SNX9: variants seen among roughly 807,000 people sequenced by gnomAD.
The protein encoded by SNX9 is sorting nexin-9.
Under a neutral mutation model 89.4 loss-of-function variants are expected in SNX9, and 44 were observed. That is an observed-to-expected ratio of 0.49 (90% CI 0.39 to 0.63). The LOEUF is 0.63. Ranked by LOEUF, SNX9 falls within the 30% of genes least tolerant of loss-of-function variation. The pLI is 0.00. For missense variants in SNX9, 578 were observed against 736.1 expected (o/e 0.79, Z 2.49); for synonymous variants, 236 against 247.8 (o/e 0.95, Z 0.45).
At chr6:157,896,572 TTGTTGC>T in intron 4 of SNX9, among the ~76,000 whole-genome samples, 1 of 152,344 alleles carries the variant, frequency 6.6e-6, no homozygotes, top group Non-Finnish European at 1.5e-5. Context: ...AATAGTTTCT[TTGTTGC>T]TGTTTTCAAA....
chr6:157,864,654 T>C (rs1782216348), intron 1 of SNX9, among the ~76,000 whole-genome samples: 1 of 152,176 alleles, frequency 6.6e-6, no homozygotes, highest in African/African-American at 2.4e-5. Flanking sequence ...GAGGGCTCGC[T>C]TCCTTCCAGC....
chr6:157,850,362 TAAGAG>T (rs1161229252), intron 1 of SNX9, among the ~76,000 whole-genome samples: 5 of 152,168 alleles, frequency 3.3e-5, no homozygotes, highest in Admixed American at 2.0e-4. Context: ...TTCTTGATGT[TAAGAG>T]AAGGTATTAT....
chr6:157,896,116 C>A (rs1055289384), intron 4 of SNX9, among the ~76,000 whole-genome samples: 3 of 152,118 alleles, frequency 2.0e-5, no homozygotes, highest in African/African-American at 7.2e-5. Context: ...AAGGAGGCTG[C>A]CCAGATTCAT....
chr6:157,851,255 CAAA>C (rs770815228), intron 1 of SNX9, among the ~76,000 whole-genome samples: 1 of 89,202 alleles, frequency 1.1e-5, no homozygotes, highest in African/African-American at 4.2e-5. Context: ...AAGATGGTCT[CAAA>C]AAAAAAAAAA....
chr6:157,882,340 CT>C (rs1463977324), intron 4 of SNX9, among the ~76,000 whole-genome samples: 1 of 152,206 alleles, frequency 6.6e-6, no homozygotes, highest in Admixed American at 6.5e-5. Context: ...GACAATGCCC[CT>C]GGTCACCTAA....
At chr6:157,829,266 C>T (rs1034474319) in intron 1 of SNX9, 1 of 152,120 alleles carries the variant, frequency 6.6e-6, no homozygotes, top group Admixed American at 6.5e-5. Context: ...TGTCTTTAAC[C>T]TACAAGTTGT....
At chr6:157,884,898 GA>G (rs1045892208) in intron 4 of SNX9, among the ~76,000 whole-genome samples, 1 of 152,072 alleles carries the variant, frequency 6.6e-6, no homozygotes, top group African/African-American at 2.4e-5. Context: ...AGTGATGAAG[GA>G]CCAGCCAGCA....
intron 1 of SNX9, among the ~76,000 whole-genome samples, chr6:157,841,541 A>G (rs2115113991): frequency 6.6e-6 from 1 of 152,304 alleles, no homozygotes; most frequent in East Asian, 1.9e-4. Context: ...AGGAGGTCAC[A>G]CTGTGACTGC....
intron 1 of SNX9, among the ~76,000 whole-genome samples, chr6:157,848,647 C>T (rs144530870): frequency 1.2e-3 from 179 of 152,280 alleles, no homozygotes; most frequent in African/African-American, 3.2e-3. Flanking sequence ...TCTGTAAGCA[C>T]CTCTTAGGTG....
chr6:157,899,224 C>A lies in SNX9; in HGVS notation c.472+2226C>A, dbSNP rs529044720. On this transcript the variant is annotated intron_variant, in intron 5 of 17. Coordinates refer to ENST00000392185, the MANE Select transcript of SNX9 (RefSeq NM_016224.5). Reference sequence around the variant, plus strand: ...ACTTCTTCACTCTCATCTTTTTCTCCCACACCCCAACTCGGTCTTTTTAAT... The same window carrying A: ...ACTTCTTCACTCTCATCTTTTTCTCACACACCCCAACTCGGTCTTTTTAAT... Among the ~76,000 whole-genome samples the A allele has an allele frequency of 2.6e-5, 4 of 152,260 alleles. No individual in the cohort carries two copies. In the South Asian group the frequency reaches 8.3e-4, roughly 32 times the overall value.
rs753516176 is a variant in SNX9 at position 157,935,980 on chromosome 6, T to A, written c.1383T>A (p.Asn461Lys). ...SSGYQGETDL[N>K]DAITEAGKTY... ...CATTTTCAGGTGAAACAGATCTCAA[T>A]GATGCAATAACAGAAGCAGGAAAGA... The change falls in exon 14 of 18, where the codon AAT becomes AAA. Residue 461 changes from asparagine to lysine, a missense_variant. Physicochemically the swap from Asn to Lys is moderately conservative, Grantham distance 94. Transcript: ENST00000392185. 1.2e-6 allele frequency: 2 copies of A among 1,612,428 alleles called. No homozygotes were observed. The highest frequency in any genetic ancestry group is 1.7e-6 in the Non-Finnish European group (2 of 1,179,076).
intron 4 of SNX9, among the ~76,000 whole-genome samples, chr6:157,893,725 T>C (rs1389625754): frequency 6.6e-6 from 1 of 152,132 alleles, no homozygotes; most frequent in African/African-American, 2.4e-5. Context: ...ATGAATAATT[T>C]TAATCAATTT....
At chr6:157,916,193 C>T (rs907111134) in intron 9 of SNX9, among the ~76,000 whole-genome samples, 4 of 152,084 alleles carry the variant, frequency 2.6e-5, no homozygotes, top group African/African-American at 9.7e-5. Flanking sequence ...CGCCACCACG[C>T]CCTGCTAATT....
chr6:157,845,437 T>TTG, intron 1 of SNX9, among the ~76,000 whole-genome samples: 1 of 152,102 alleles, frequency 6.6e-6, no homozygotes, highest in Non-Finnish European at 1.5e-5. Context: ...TTGTCTCACT[T>TTG]ACACTTATTT....
chr6:157,902,937 G>T (rs1193187670), intron 6 of SNX9, among the ~76,000 whole-genome samples: 2 of 152,058 alleles, frequency 1.3e-5, no homozygotes, highest in East Asian at 3.9e-4. Flanking sequence ...CAAAGTGCTG[G>T]GATTACAGGC....
chr6:157,897,093 C>A, intron 5 of SNX9, 95 bp downstream of exon 5: 2 of 1,232,800 alleles, frequency 1.6e-6, no homozygotes, highest in Non-Finnish European at 2.2e-6. Context: ...CCACACTCAG[C>A]ACAACACAGA....
chr6:157,880,894 A>G (rs897657022), intron 4 of SNX9, among the ~76,000 whole-genome samples: 1 of 152,210 alleles, frequency 6.6e-6, no homozygotes, highest in Non-Finnish European at 1.5e-5. Context: ...ACCTCATGGG[A>G]TTTTTGGAAA....
intron 9 of SNX9, among the ~76,000 whole-genome samples, chr6:157,915,640 AATATAT>A (rs1411739606): frequency 4.2e-5 from 4 of 95,172 alleles, no homozygotes; most frequent in Non-Finnish European, 8.5e-5. Flanking sequence ...AAAAAAAAAA[AATATAT>A]ATATATATAT....
chr6:157,871,529 C>T (rs1338747792), intron 2 of SNX9, among the ~76,000 whole-genome samples: 2 of 146,360 alleles, frequency 1.4e-5, no homozygotes, highest in Non-Finnish European at 3.0e-5. Flanking sequence ...GGCCTGTCGT[C>T]GGGTGGGAGG....
Sources: gnomAD v4.1 joint callset for allele counts (sites outside exome capture counted in the v4.1 genomes callset) on GRCh38, gnomAD v4.1.1 for gene constraint, MANE v1.5 for transcripts, NCBI Gene and HGNC (gene_info 2026-07-23, HGNC 2026-07-21) for gene names.